Variants in AKR1B15 observed in about 807,000 individuals in gnomAD.
AKR1B15 encodes the protein aldo-keto reductase family 1 member B15.
In AKR1B15, 49 loss-of-function variants were observed where a neutral mutation model predicts 38.5. That is an observed-to-expected ratio of 1.27 (90% CI 1.01 to 1.62). The LOEUF is 1.62. AKR1B15 is among the 40% of genes most tolerant of loss of function. The pLI is 0.00. For synonymous variants in AKR1B15, 137 were observed against 135.5 expected, an observed-to-expected ratio of 1.01 and a Z score of -0.08; for missense variants, 411 against 381.6, an observed-to-expected ratio of 1.08 and a Z score of -0.64.
At chr7:134,549,685 G>A (rs956458292) in intron 1 of AKR1B15, among the ~76,000 whole-genome samples, 6 of 152,140 alleles carry the variant, frequency 3.9e-5, no homozygotes, top group Non-Finnish European at 8.8e-5. Flanking sequence ...CTAAGTCCCC[G>A]AAAGGGGAGC....
At chr7:134,563,293 A>G (rs10261532) in intron 2 of AKR1B15, among the ~76,000 whole-genome samples, 78,821 of 151,980 alleles carry the variant, frequency 0.52, 20,592 homozygotes, top group African/African-American at 0.57. Flanking sequence ...GGATGTGGCC[A>G]GGCACAGCTC....
intron 5 of AKR1B15, 75 bp from the exon 6 acceptor site, chr7:134,571,529 G>C: frequency 6.2e-6 from 7 of 1,129,094 alleles, no homozygotes; most frequent in Non-Finnish European, 9.4e-6. Flanking sequence ...CAAGCATCAG[G>C]ATCCTGAAAC....
intron 3 of AKR1B15, chr7:134,565,176 C>A: frequency 2.8e-6 from 1 of 359,042 alleles, no homozygotes; most frequent in Non-Finnish European, 5.1e-6. Flanking sequence ...GACGAAAAAT[C>A]TTGCTGCTGC....
intron 2 of AKR1B15, among the ~76,000 whole-genome samples, chr7:134,563,494 G>A (rs983735861): frequency 2.6e-5 from 4 of 152,150 alleles, no homozygotes; most frequent in Non-Finnish European, 5.9e-5. Flanking sequence ...GTTGCAGTGA[G>A]CCAAGATCAC....
At chr7:134,562,668 A>G (rs1794430798) in intron 2 of AKR1B15, among the ~76,000 whole-genome samples, 1 of 152,076 alleles carries the variant, frequency 6.6e-6, no homozygotes. Context: ...AATTTCTCCG[A>G]GTCCCCACCC....
chr7:134,579,478 T>TTTG (rs1585819669), intron 11 of AKR1B15, 29 bp from the exon 12 acceptor site: 7 of 1,536,208 alleles, frequency 4.6e-6, no homozygotes, highest in Non-Finnish European at 6.1e-6. Flanking sequence ...TGGAACACAG[T>TTTG]TTCTTTTTTT....
At chr7:134,561,045 T>C (rs1297160078) in intron 2 of AKR1B15, among the ~76,000 whole-genome samples, 1 of 152,172 alleles carries the variant, frequency 6.6e-6, no homozygotes, top group African/African-American at 2.4e-5. Context: ...CCCAGAGAAA[T>C]ATTTTTCTTT....
At chr7:134,549,864 T>A (rs1260835287) in intron 1 of AKR1B15, among the ~76,000 whole-genome samples, 1 of 152,204 alleles carries the variant, frequency 6.6e-6, no homozygotes, top group African/African-American at 2.4e-5. Flanking sequence ...GGCAAGGACT[T>A]CTTCAAGGTC....
intron 6 of AKR1B15, among the ~76,000 whole-genome samples, chr7:134,572,861 T>C (rs1794694727): frequency 6.6e-6 from 1 of 152,188 alleles, no homozygotes; most frequent in South Asian, 2.1e-4. Flanking sequence ...GAGTTAATCA[T>C]GTTATCTTGG....
chr7:134,575,728 T>A, intron 7 of AKR1B15, 93 bp from the exon 8 acceptor site: 1 of 1,592,434 alleles, frequency 6.3e-7, no homozygotes, highest in Non-Finnish European at 8.6e-7. Context: ...GTTTGGCCTT[T>A]GCTTGGTGGA....
At chr7:134,559,256 T>C (rs952380442) in intron 2 of AKR1B15, among the ~76,000 whole-genome samples, 1 of 152,178 alleles carries the variant, frequency 6.6e-6, no homozygotes, top group Non-Finnish European at 1.5e-5. Context: ...TGTTGATAAG[T>C]GTCTATGTCT....
Position 134,579,671 on chromosome 7 carries a change from T to C in AKR1B15, c.*122T>C. 2 of 832,498 alleles carry C rather than the reference T, an allele frequency of 2.4e-6. No homozygotes were observed. The highest frequency in any genetic ancestry group is 3.7e-6 in the Non-Finnish European group (2 of 544,194). The allele number at this position is 832,498 out of a possible 1,614,324, so 51.6% of individuals were successfully genotyped here. ...GATCACAGTGAACTTTGTCCTGTTGTAGACCAGAATGGAGGTGCTGTTTTA... is the reference window on the plus strand; with the variant it reads ...GATCACAGTGAACTTTGTCCTGTTGCAGACCAGAATGGAGGTGCTGTTTTA... On this transcript the variant is annotated 3_prime_UTR_variant, in exon 12 of 12. Coordinates refer to ENST00000457545, the MANE Select transcript of AKR1B15 (RefSeq NM_001080538.3).
intron 2 of AKR1B15, among the ~76,000 whole-genome samples, chr7:134,561,657 T>G (rs1794396783): frequency 6.6e-6 from 1 of 152,156 alleles, no homozygotes; most frequent in African/African-American, 2.4e-5. Context: ...ATTTCAAGAT[T>G]CAACCAAAGC....
In AKR1B15 at chr7:134,579,522, G is replaced by C. The variant is rs761790519; in HGVS notation, c.1008G>C (p.Glu336Asp). Residue 336 changes from glutamate (E) to aspartate (D), a missense_variant, in exon 12 of 12, where the codon GAG (glutamate) becomes GAC (aspartate). Glu to Asp is a conservative substitution (Grantham distance 45). Coordinates refer to ENST00000457545, the MANE Select transcript of AKR1B15 (RefSeq NM_001080538.3). Reference sequence around the variant, plus strand: ...CTCTCTGTAGATTCTCTCATTTGGAGGACTTTCCCTTCGATGCAGAATATT... The same window carrying C: ...CTCTCTGTAGATTCTCTCATTTGGACGACTTTCCCTTCGATGCAGAATATT... ...AFDFKEFSHL[E>D]DFPFDAEY 1 of 1,598,376 alleles carries C rather than the reference G, an allele frequency of 6.3e-7. No individual in the cohort carries two copies. The highest frequency in any genetic ancestry group is 1.7e-5 in the Admixed American group (1 of 57,864).
intron 8 of AKR1B15, 108 bp from the exon 9 acceptor site, chr7:134,576,241 C>A: frequency 8.1e-7 from 1 of 1,239,260 alleles, no homozygotes; most frequent in Admixed American, 2.2e-5. Flanking sequence ...TGCCTGTCTC[C>A]CAGATGGAGA....
chr7:134,577,333 A>G (rs6967100), intron 10 of AKR1B15, among the ~76,000 whole-genome samples: 70,128 of 151,926 alleles, frequency 0.46, 16,721 homozygotes, highest in African/African-American at 0.58. Flanking sequence ...GCTAGGCCCT[A>G]GGCCATACAC....
intron 2 of AKR1B15, among the ~76,000 whole-genome samples, 156 bp from the exon 3 acceptor site, chr7:134,564,442 T>C (rs1330802398): frequency 6.6e-6 from 1 of 152,148 alleles, no homozygotes; most frequent in Non-Finnish European, 1.5e-5. Context: ...AGGAAAAGGC[T>C]TCTGAAATCA....
intron 7 of AKR1B15, 29 bp downstream of exon 7, chr7:134,575,571 G>C (rs1274168219): frequency 1.2e-6 from 2 of 1,612,812 alleles, no homozygotes; most frequent in African/African-American, 2.7e-5. Flanking sequence ...AAGGGTAAGG[G>C]TCCTGCCCTA....
intron 2 of AKR1B15, among the ~76,000 whole-genome samples, chr7:134,563,400 T>A (rs1438465809): frequency 3.9e-5 from 6 of 152,036 alleles, no homozygotes. Flanking sequence ...ATACAAAAGT[T>A]AGATGGGAGT....
Sources: gnomAD v4.1 joint callset for allele counts (sites outside exome capture counted in the v4.1 genomes callset) on GRCh38, gnomAD v4.1.1 for gene constraint, MANE v1.5 for transcripts, NCBI Gene and HGNC (gene_info 2026-07-23, HGNC 2026-07-21) for gene names.